Variants in HYCC1 observed in about 807,000 individuals in gnomAD.
HYCC1 encodes hyccin.
At chr7:22,943,563 G>C in the HYCC1 span, 1 of 152,288 alleles carries the variant, frequency 6.6e-6, no homozygotes, top group Non-Finnish European at 1.5e-5. Context: ...TGATCTCTCA[G>C]CTCTGTCAGC....
chr7:22,991,202 G>T, the HYCC1 span: 2 of 1,063,832 alleles, frequency 1.9e-6, no homozygotes, highest in Admixed American at 1.8e-5. Flanking sequence ...AGATTACTAT[G>T]AACAGAGATA....
the HYCC1 span, among the ~76,000 whole-genome samples, chr7:22,962,830 T>C: frequency 1.4e-5 from 2 of 139,664 alleles, no homozygotes; most frequent in Non-Finnish European, 3.0e-5. Context: ...AACAGAACTG[T>C]ACTGCTGGAG....
At chr7:22,925,329 G>A in the HYCC1 span, among the ~76,000 whole-genome samples, 19 of 152,296 alleles carry the variant, frequency 1.2e-4, no homozygotes, top group African/African-American at 2.9e-4. Context: ...AAAGCTGAGC[G>A]GAGAATAACT....
At chr7:22,982,998 G>T in the HYCC1 span, among the ~76,000 whole-genome samples, 1 of 152,004 alleles carries the variant, frequency 6.6e-6, no homozygotes, top group African/African-American at 2.4e-5. Context: ...ACAAGCAGCA[G>T]AATCTGGAAT....
chr7:22,995,811 AAG>A, the HYCC1 span, among the ~76,000 whole-genome samples: 6 of 152,150 alleles, frequency 3.9e-5, no homozygotes, highest in Non-Finnish European at 7.4e-5. Context: ...CTTGCAAAAA[AAG>A]AGAGTACGGA....
chr7:22,945,685 CT>C, the HYCC1 span: 2 of 1,613,774 alleles, frequency 1.2e-6, no homozygotes, highest in African/African-American at 1.3e-5. Flanking sequence ...CGTAAATAAG[CT>C]TTTCTTCTTG....
chr7:22,912,889 T>C, the HYCC1 span, among the ~76,000 whole-genome samples: 3 of 152,174 alleles, frequency 2.0e-5, no homozygotes, highest in East Asian at 5.8e-4. Context: ...TCCCAGCACT[T>C]TGGGAAGCCA....
At chr7:22,983,341 A>AT in the HYCC1 span, among the ~76,000 whole-genome samples, 1 of 152,026 alleles carries the variant, frequency 6.6e-6, no homozygotes, top group African/African-American at 2.4e-5. Flanking sequence ...AAAAAAAAAA[A>AT]AAATCTAAAT....
the HYCC1 span, among the ~76,000 whole-genome samples, chr7:22,904,130 T>C: frequency 6.6e-6 from 1 of 152,126 alleles, no homozygotes; most frequent in Non-Finnish European, 1.5e-5. Context: ...AATTGAAACC[T>C]TAAAAAAATA....
chr7:22,973,433 G>A, the HYCC1 span, among the ~76,000 whole-genome samples: 8 of 152,128 alleles, frequency 5.3e-5, no homozygotes, highest in Non-Finnish European at 7.4e-5. Context: ...AGTCAATAGG[G>A]AATCTAAAAT....
the HYCC1 span, among the ~76,000 whole-genome samples, chr7:22,997,849 G>T: frequency 6.6e-6 from 1 of 152,158 alleles, no homozygotes; most frequent in Non-Finnish European, 1.5e-5. Context: ...ATCAAGAATA[G>T]AACATAGGTT....
the HYCC1 span, among the ~76,000 whole-genome samples, chr7:23,005,689 C>T: frequency 1.6e-4 from 25 of 152,172 alleles, no homozygotes; most frequent in Admixed American, 9.2e-4. Context: ...TCTATCAGCT[C>T]TTTCTCTATG....
At chr7:22,918,553 T>A in the HYCC1 span, among the ~76,000 whole-genome samples, 2 of 152,140 alleles carry the variant, frequency 1.3e-5, no homozygotes, top group South Asian at 4.1e-4. Context: ...AAGACAGGAA[T>A]GTCAGGCCTC....
chr7:23,013,794 G>A, the HYCC1 span: 2 of 373,832 alleles, frequency 5.3e-6, no homozygotes, highest in South Asian at 3.7e-5. Context: ...CCCCAGTGGA[G>A]CCGCGGCCCC....
the HYCC1 span, chr7:22,960,252 T>C: frequency 6.2e-7 from 1 of 1,613,160 alleles, no homozygotes; most frequent in Non-Finnish European, 8.5e-7. Flanking sequence ...TACGTATTTC[T>C]TACCATGTCT....
the HYCC1 span, among the ~76,000 whole-genome samples, chr7:22,932,972 G>A: frequency 5.9e-5 from 9 of 152,302 alleles, no homozygotes; most frequent in South Asian, 1.9e-3. Context: ...AAAGCCCTGT[G>A]ACAACAGAAG....
chr7:22,900,222 G>T, the HYCC1 span, among the ~76,000 whole-genome samples: 1 of 152,134 alleles, frequency 6.6e-6, no homozygotes, highest in East Asian at 1.9e-4. Context: ...ACAAAAAAAA[G>T]AACTGTGTTA....
the HYCC1 span, among the ~76,000 whole-genome samples, chr7:22,979,599 T>C: frequency 2.5e-4 from 38 of 152,178 alleles, no homozygotes; most frequent in African/African-American, 8.7e-4. Flanking sequence ...AAATTTTCTT[T>C]GCGGACCCAC....
At chr7:22,929,538 G>A in the HYCC1 span, among the ~76,000 whole-genome samples, 12 of 152,158 alleles carry the variant, frequency 7.9e-5, no homozygotes, top group East Asian at 1.9e-4. Context: ...CCAAGGATAT[G>A]AACAGACACT....
Sources: allele counts gnomAD v4.1 joint callset (sites outside exome capture counted in the v4.1 genomes callset), GRCh38; gene constraint gnomAD v4.1.1; transcripts MANE v1.5; gene names NCBI Gene and HGNC (gene_info 2026-07-23, HGNC 2026-07-21).